Variants in TRAPPC9 observed in about 807,000 individuals in gnomAD.
TRAPPC9 encodes trafficking protein particle complex subunit 9.
Under a neutral mutation model 124.0 loss-of-function variants are expected in TRAPPC9, and 83 were observed. The observed-to-expected ratio is 0.67, with a 90% CI of 0.56 to 0.80. The LOEUF is 0.80. Among genes scored for constraint, TRAPPC9 ranks in the 30% least tolerant of loss-of-function variants. TRAPPC9 has a pLI of 0.00. For missense variants in TRAPPC9, 1,302 were observed against 1,508.3 expected (o/e 0.86, Z 2.27); for synonymous variants, 638 against 617.5 (o/e 1.03, Z -0.49).
chr8:140,184,600 T>A (rs1380379964), intron 17 of TRAPPC9, among the ~76,000 whole-genome samples: 1 of 152,168 alleles, frequency 6.6e-6, no homozygotes, highest in Admixed American at 6.5e-5. Context: ...CATGCCTGAC[T>A]AATTTTTGTT....
intron 3 of TRAPPC9, among the ~76,000 whole-genome samples, chr8:140,436,035 G>A (rs1258094516): frequency 6.6e-6 from 1 of 152,188 alleles, no homozygotes; most frequent in Non-Finnish European, 1.5e-5. Context: ...AAGGATTTAA[G>A]TATTTATGTA....
intron 21 of TRAPPC9, among the ~76,000 whole-genome samples, chr8:139,838,749 G>T (rs991953122): frequency 2.6e-4 from 39 of 152,200 alleles, no homozygotes; most frequent in African/African-American, 8.4e-4. Flanking sequence ...CGCATCAAAG[G>T]TATTTTTCTG....
intron 16 of TRAPPC9, among the ~76,000 whole-genome samples, chr8:140,246,800 C>T (rs1407612035): frequency 1.3e-5 from 2 of 152,100 alleles, no homozygotes; most frequent in African/African-American, 2.4e-5. Flanking sequence ...GCCTGGCCAA[C>T]GTGGTGAAAC....
chr8:139,928,654 G>A (rs1587246449), intron 19 of TRAPPC9, among the ~76,000 whole-genome samples: 1 of 151,634 alleles, frequency 6.6e-6, no homozygotes, highest in East Asian at 2.0e-4. Flanking sequence ...TGCGTGGCTG[G>A]GAGGTCTGTC....
rs1228353322 is a variant in TRAPPC9 at position 139,817,045 on chromosome 8, A to AACACAC, written c.3055+68828_3055+68833dup. 1.7e-3 allele frequency among the ~76,000 whole-genome samples: 226 copies of AACACAC among 135,384 alleles called. 2 individuals carry two copies. The highest frequency in any genetic ancestry group is 7.0e-3 in the South Asian group (28 of 4,016). The allele number at this position is 135,384 out of a possible 152,430, so 88.8% of individuals were successfully genotyped here. A position where few individuals can be genotyped will look rare whatever the true frequency, so the allele number is the denominator to read the frequency against. Reference sequence around the variant, plus strand: ...CTTCAGTAAGGAAGAACATAAACTAAACACACACACACACACACACACACA... The same window carrying AACACAC: ...CTTCAGTAAGGAAGAACATAAACTAAACACACACACACACACACACACACACACACA... On this transcript the variant is annotated intron_variant, in intron 21 of 22. Coordinates refer to ENST00000438773, the MANE Select transcript of TRAPPC9 (RefSeq NM_001160372.4).
intron 17 of TRAPPC9, among the ~76,000 whole-genome samples, chr8:140,051,166 C>T (rs1032968153): frequency 6.6e-6 from 1 of 152,222 alleles, no homozygotes; most frequent in Admixed American, 6.5e-5. Context: ...TTCCTGCACA[C>T]TCCTCCCTCC....
At position 139,730,995 on chromosome 8, in the gene TRAPPC9, G is replaced by A; in HGVS notation, c.*66C>T. The A allele has an allele frequency of 1.3e-6, 2 of 1,573,526 alleles. No homozygotes were observed. The highest frequency in any genetic ancestry group is 8.7e-7 in the Non-Finnish European group (1 of 1,155,702). On this transcript the variant is annotated 3_prime_UTR_variant, in exon 23 of 23. Coordinates refer to ENST00000438773, the MANE Select transcript of TRAPPC9 (RefSeq NM_001160372.4). The stretch of plus-strand genomic sequence containing the variant: ...TGCAGTGAAGGCCTTGCTCATTGCA[G>A]GGGGTGTGGGAGGCCAGGCAGGGTC...
chr8:140,363,941 T>C (rs1187713010), intron 8 of TRAPPC9, among the ~76,000 whole-genome samples: 2 of 152,068 alleles, frequency 1.3e-5, no homozygotes, highest in African/African-American at 4.8e-5. Context: ...GGAAGTGTTA[T>C]AAGGAAGAAC....
At chr8:140,270,904 G>A (rs2064857868) in intron 15 of TRAPPC9, among the ~76,000 whole-genome samples, 2 of 152,270 alleles carry the variant, frequency 1.3e-5, no homozygotes, top group African/African-American at 2.4e-5. Context: ...GGGCCAGGGC[G>A]ACAGCAGCCA....
chr8:140,190,718 C>T (rs1563831794), intron 17 of TRAPPC9, among the ~76,000 whole-genome samples: 2 of 152,232 alleles, frequency 1.3e-5, no homozygotes, highest in Non-Finnish European at 2.9e-5. Context: ...CCATGGCTTT[C>T]CCTCCTTCCT....
In TRAPPC9 at chr8:140,046,285, T is replaced by C. The variant is rs752602991; in HGVS notation, c.2557-22206A>G. Among the ~76,000 whole-genome samples the C allele has an allele frequency of 7.9e-5, 12 of 152,358 alleles. No homozygotes were observed. In the East Asian group the frequency reaches 9.6e-4, roughly 12 times the overall value. ...TCGCCGACGGCTATGAAACCTTTTC[T>C]CTCCTCTGTGAGACAGGGCAACAAT... On this transcript the variant is annotated intron_variant, in intron 17 of 22. Coordinates refer to ENST00000438773, the MANE Select transcript of TRAPPC9 (RefSeq NM_001160372.4).
rs1333489937 is a variant in TRAPPC9 at position 139,737,462 on chromosome 8, G to GCC, written c.3056-5262_3056-5261dup. Among the ~76,000 whole-genome samples the GCC allele has an allele frequency of 5.2e-3, 162 of 31,240 alleles. 1 individual carries two copies. The highest frequency in any genetic ancestry group is 0.017 in the African/African-American group (146 of 8,518). 20.5% of individuals were successfully genotyped at this position (31,240 alleles called of 152,430 possible). On this transcript the variant is annotated intron_variant, in intron 21 of 22. Coordinates refer to ENST00000438773, the MANE Select transcript of TRAPPC9 (RefSeq NM_001160372.4). The stretch of plus-strand genomic sequence containing the variant: ...CACAGCCTTCAGGCGGGGGTCATCA[G>GCC]CCCTCCCCCCCCCCCCACGGAAAAC...
intron 9 of TRAPPC9, among the ~76,000 whole-genome samples, chr8:140,337,392 G>C: frequency 6.6e-6 from 1 of 152,192 alleles, no homozygotes; most frequent in East Asian, 1.9e-4. Context: ...TGCTGCATTT[G>C]AGGAAAGATA....
intron 21 of TRAPPC9, among the ~76,000 whole-genome samples, chr8:139,798,163 A>T (rs1338758574): frequency 6.6e-6 from 1 of 152,196 alleles, no homozygotes; most frequent in Admixed American, 6.5e-5. Context: ...TGGGTTTTTT[A>T]AAATGTCTTT....
chr8:139,850,043 C>A (rs192911149), intron 21 of TRAPPC9, among the ~76,000 whole-genome samples: 13 of 152,292 alleles, frequency 8.5e-5, no homozygotes, highest in African/African-American at 3.1e-4. Flanking sequence ...CCCAGGAACA[C>A]TTGAGCCCAA....
intron 17 of TRAPPC9, among the ~76,000 whole-genome samples, chr8:140,053,667 T>C (rs943771654): frequency 2.0e-5 from 3 of 152,222 alleles, no homozygotes; most frequent in African/African-American, 7.2e-5. Context: ...ATTGAAGTCT[T>C]CTCCTGTTAC....
At chr8:140,238,065 C>T (rs1426751255) in intron 16 of TRAPPC9, among the ~76,000 whole-genome samples, 4 of 152,190 alleles carry the variant, frequency 2.6e-5, no homozygotes, top group Non-Finnish European at 5.9e-5. Context: ...ACTCTGAAAT[C>T]CCTGTCCTGA....
chr8:139,731,093 C>T lies in TRAPPC9; in HGVS notation c.3415G>A (p.Val1139Met). 1 of 1,613,630 alleles carries T rather than the reference C, an allele frequency of 6.2e-7. No individual in the cohort carries two copies. Among genetic ancestry groups the T allele is most frequent in the Non-Finnish European group, 8.5e-7 (1 of 1,180,014 alleles). The change falls in exon 23 of 23, where the codon GTG (valine) becomes ATG (methionine). Residue 1139 changes from valine to methionine, a missense_variant. This residue lies in a region of TRAPPC9 where 640 missense variants were observed against 679.3 expected (regional missense o/e 0.94). Transcript: ENST00000438773. ...LPPSWFCLPSVHVCALEAQA is the reference protein window; with the variant it reads ...LPPSWFCLPSMHVCALEAQA ...TGCGCCTCCAGGGCACACACGTGCA[C>T]ACTGGGCAGGCAGAACCAAGAGGGT...
chr8:140,263,468 G>C (rs1330831695), intron 15 of TRAPPC9, among the ~76,000 whole-genome samples: 1 of 152,208 alleles, frequency 6.6e-6, no homozygotes, highest in Non-Finnish European at 1.5e-5. Context: ...TAAGAAACTA[G>C]GGATAGGAAA....
Sources: allele counts gnomAD v4.1 joint callset (sites outside exome capture counted in the v4.1 genomes callset), GRCh38; gene constraint gnomAD v4.1.1; regional missense constraint gnomAD v4.1.1; transcripts MANE v1.5; gene names NCBI Gene and HGNC (gene_info 2026-07-23, HGNC 2026-07-21).